MAML3: variants seen among roughly 807,000 people sequenced by gnomAD.
MAML3 encodes the protein mastermind-like protein 3.
Under a neutral mutation model 101.9 loss-of-function variants are expected in MAML3, and 27 were observed. That is an observed-to-expected ratio of 0.27 (90% CI 0.20 to 0.37). MAML3 has a LOEUF of 0.37. Ranked by LOEUF, MAML3 falls within the 10% of genes least tolerant of loss-of-function variation. The probability of loss-of-function intolerance (pLI) is 1.00; values close to 1 mark genes in which losing one functional copy is unlikely to be tolerated. For synonymous variants in MAML3, 501 were observed against 555.9 expected (o/e 0.90, Z 1.39); for missense variants, 1,316 against 1,444.9 (o/e 0.91, Z 1.45).
chr4:139,849,708 A>G (rs1019575774), intron 2 of MAML3, among the ~76,000 whole-genome samples: 2 of 152,210 alleles, frequency 1.3e-5, no homozygotes, highest in African/African-American at 2.4e-5. Flanking sequence ...AGTTAATCCA[A>G]TGAGATCCAC....
intron 1 of MAML3, among the ~76,000 whole-genome samples, chr4:139,913,035 T>C (rs1732961128): frequency 6.6e-6 from 1 of 152,252 alleles, no homozygotes; most frequent in Non-Finnish European, 1.5e-5. Flanking sequence ...ATCCCACCTG[T>C]GAGCAATATG....
At chr4:140,015,149 T>G (rs1726622008) in intron 1 of MAML3, among the ~76,000 whole-genome samples, 1 of 152,192 alleles carries the variant, frequency 6.6e-6, no homozygotes. Flanking sequence ...TACATTATTT[T>G]AAAGTATGAA....
rs1267045955 is a variant in MAML3, at chr4:140,069,440, GAAGGAGGA to G, written c.468+83412_468+83419del. On this transcript the variant is annotated intron_variant, in intron 1 of 4. Transcript: ENST00000509479. ...AGGAGGGGAAGGAGGAGAAGGAGGAGAAGGAGGAGAAGGAGGAGAAGGAGAAGGAGAAA... is the reference window on the plus strand; with the variant it reads ...AGGAGGGGAAGGAGGAGAAGGAGGAGGAAGGAGGAGAAGGAGAAGGAGAAA... 1.1e-3 allele frequency among the ~76,000 whole-genome samples: 138 copies of G among 122,054 alleles called. 4 individuals are homozygous for G. Among genetic ancestry groups the G allele is most frequent in the Middle Eastern group, 5.2e-3 (1 of 192 alleles). The allele number at this position is 122,054 out of a possible 152,430, so 80.1% of individuals were successfully genotyped here.
chr4:140,078,515 G>A (rs1727812806), intron 1 of MAML3, among the ~76,000 whole-genome samples: 2 of 152,120 alleles, frequency 1.3e-5, no homozygotes, highest in Admixed American at 6.5e-5. Flanking sequence ...CTGCTTTCAG[G>A]GATCTCACTT....
intron 1 of MAML3, among the ~76,000 whole-genome samples, chr4:139,971,764 G>A (rs1370904544): frequency 6.6e-6 from 1 of 151,876 alleles, no homozygotes; most frequent in Non-Finnish European, 1.5e-5. Context: ...TTCCATCTCT[G>A]ATACTAGCAC....
intron 1 of MAML3, among the ~76,000 whole-genome samples, chr4:139,926,927 AGAG>A (rs1318119923): frequency 6.6e-6 from 1 of 152,198 alleles, no homozygotes; most frequent in Non-Finnish European, 1.5e-5. Flanking sequence ...ACTTCTCCAT[AGAG>A]AAGTATTGCC....
intron 1 of MAML3, among the ~76,000 whole-genome samples, chr4:139,991,404 A>G (rs1233571601): frequency 6.6e-6 from 1 of 152,214 alleles, no homozygotes; most frequent in East Asian, 1.9e-4. Flanking sequence ...AATTAATTCA[A>G]GATGGATTAA....
intron 1 of MAML3, among the ~76,000 whole-genome samples, chr4:139,896,758 T>A (rs1273420825): frequency 6.6e-6 from 1 of 152,160 alleles, no homozygotes; most frequent in Non-Finnish European, 1.5e-5. Context: ...TAAGAATAGC[T>A]GTGCCTTTGG....
intron 2 of MAML3, among the ~76,000 whole-genome samples, chr4:139,821,358 T>G (rs965948879): frequency 1.3e-5 from 2 of 152,062 alleles, no homozygotes; most frequent in Admixed American, 1.3e-4. Context: ...TGGCATTAGA[T>G]TCTCATAGCA....
At chr4:140,021,756 C>T (rs977868450) in intron 1 of MAML3, among the ~76,000 whole-genome samples, 7 of 152,250 alleles carry the variant, frequency 4.6e-5, no homozygotes, top group African/African-American at 1.7e-4. Flanking sequence ...TCCCTTCTTC[C>T]TCCGCTTCCT....
chr4:139,846,567 C>T (rs1356896961), intron 2 of MAML3, among the ~76,000 whole-genome samples: 3 of 152,102 alleles, frequency 2.0e-5, no homozygotes, highest in Non-Finnish European at 2.9e-5. Context: ...AGATTGGTCT[C>T]GAACTCCTGG....
At chr4:140,091,745 C>T (rs1379522742) in intron 1 of MAML3, among the ~76,000 whole-genome samples, 2 of 151,978 alleles carry the variant, frequency 1.3e-5, no homozygotes, top group Admixed American at 6.6e-5. Context: ...ACTTATCAAG[C>T]CCAAACTAAT....
At chr4:140,025,251 T>C (rs1726801485) in intron 1 of MAML3, among the ~76,000 whole-genome samples, 1 of 152,196 alleles carries the variant, frequency 6.6e-6, no homozygotes, top group Non-Finnish European at 1.5e-5. Flanking sequence ...ATCATTGTTA[T>C]ATGAGAACTC....
chr4:139,763,502 A>G (rs1007693366), intron 2 of MAML3, among the ~76,000 whole-genome samples: 3 of 152,200 alleles, frequency 2.0e-5, no homozygotes, highest in African/African-American at 4.8e-5. Flanking sequence ...CAATCAGGAG[A>G]GAAAATGATG....
chr4:139,821,254 C>A (rs941580840), intron 2 of MAML3, among the ~76,000 whole-genome samples: 1 of 152,266 alleles, frequency 6.6e-6, no homozygotes, highest in East Asian at 1.9e-4. Context: ...TGCTACCAGT[C>A]CGTGGCCTGT....
At chr4:139,792,101 A>G (rs188415932) in intron 2 of MAML3, among the ~76,000 whole-genome samples, 5 of 152,360 alleles carry the variant, frequency 3.3e-5, no homozygotes, top group Admixed American at 3.3e-4. Context: ...AACTCAATTA[A>G]CATTTATTGA....
intron 1 of MAML3, among the ~76,000 whole-genome samples, chr4:140,142,118 G>A (rs926681415): frequency 3.3e-5 from 5 of 152,122 alleles, no homozygotes; most frequent in African/African-American, 1.2e-4. Flanking sequence ...AGAATGAGTT[G>A]AGGATCTATA....
At chr4:139,971,733 T>G (rs1237963073) in intron 1 of MAML3, among the ~76,000 whole-genome samples, 2 of 152,198 alleles carry the variant, frequency 1.3e-5, no homozygotes, top group African/African-American at 4.8e-5. Flanking sequence ...TAGGTAGAAT[T>G]ACTTTCTTAG....
intron 1 of MAML3, among the ~76,000 whole-genome samples, chr4:139,933,462 T>C (rs779443500): frequency 2.0e-5 from 3 of 152,156 alleles, no homozygotes; most frequent in Admixed American, 6.5e-5. Flanking sequence ...TGGGGAGACA[T>C]CCAACACGTA....
Sources: gnomAD v4.1 joint callset for allele counts (sites outside exome capture counted in the v4.1 genomes callset) on GRCh38, gnomAD v4.1.1 for gene constraint, MANE v1.5 for transcripts, NCBI Gene and HGNC (gene_info 2026-07-23, HGNC 2026-07-21) for gene names.